Variants in DACH2 observed in about 807,000 individuals in gnomAD.
The protein encoded by DACH2 is dachshund homolog 2.
Under a neutral mutation model 35.8 loss-of-function variants are expected in DACH2, and 17 were observed. The observed-to-expected ratio is 0.48, with a 90% CI of 0.33 to 0.71. The LOEUF is 0.71. Ranked by LOEUF, DACH2 falls within the 30% of genes least tolerant of loss-of-function variation. The probability of loss-of-function intolerance (pLI) is 0.02; values close to 1 mark genes in which losing one functional copy is unlikely to be tolerated. For missense variants in DACH2, 469 were observed against 472.7 expected (o/e 0.99, Z 0.07); for synonymous variants, 195 against 177.3 (o/e 1.10, Z -0.79).
intron 6 of DACH2, among the ~76,000 whole-genome samples, chrX:86,733,804 C>T (rs904297872): frequency 9.0e-6 from 1 of 111,297 alleles, no homozygotes; most frequent in African/African-American, 3.3e-5. Context: ...AATGGTCACA[C>T]GGCAGTGGCA....
chrX:86,237,292 A>G (rs2033075635), intron 1 of DACH2, among the ~76,000 whole-genome samples: 1 of 111,671 alleles, frequency 9.0e-6, no homozygotes, highest in South Asian at 3.7e-4. Context: ...GAAGGAGTAC[A>G]CTCTAAAATA....
In DACH2 at chrX:86,149,016, C is replaced by G; in HGVS notation, c.396C>G (p.Arg132=). 1 of 1,210,780 alleles carries G rather than the reference C, an allele frequency of 8.3e-7. No individual in the cohort carries two copies. Among genetic ancestry groups the G allele is most frequent in the Non-Finnish European group, 1.1e-6 (1 of 894,916 alleles). ...CTGTTGAGCAGGTCCGGATCCTCCGCGGGCTGGGGGCCATCCAGCCCGGGG... is the reference window on the plus strand; with the variant it reads ...CTGTTGAGCAGGTCCGGATCCTCCGGGGGCTGGGGGCCATCCAGCCCGGGG... The part of the protein sequence containing the change: ...VCTVEQVRIL[R]GLGAIQPGVN... The change falls in exon 1 of 12, where the codon CGC becomes CGG. Residue 132 remains arginine, a synonymous_variant. Transcript: ENST00000373125.
chrX:86,733,171 T>G (rs763669743), intron 6 of DACH2, among the ~76,000 whole-genome samples: 3 of 111,806 alleles, frequency 2.7e-5, no homozygotes, highest in Non-Finnish European at 5.6e-5. Flanking sequence ...CGTGGTGCGT[T>G]AGGCAGTCAA....
At chrX:86,725,135 T>C (rs2041451731) in intron 6 of DACH2, among the ~76,000 whole-genome samples, 1 of 111,252 alleles carries the variant, frequency 9.0e-6, no homozygotes, top group Non-Finnish European at 1.9e-5. Context: ...TTTCATGTGA[T>C]TGAGCTTCTC....
chrX:86,300,235 GAA>G (rs149517354), intron 1 of DACH2, among the ~76,000 whole-genome samples: 4 of 106,927 alleles, frequency 3.7e-5, no homozygotes, highest in African/African-American at 1.4e-4. Context: ...ACTTCTTTGC[GAA>G]AAAAAAAATT....
intron 3 of DACH2, among the ~76,000 whole-genome samples, chrX:86,624,946 A>C (rs66472018): frequency 0.091 from 10,131 of 110,786 alleles, 462 homozygotes; most frequent in East Asian, 0.34. Flanking sequence ...GGTCAGACAT[A>C]TTATTACAAA....
Position 86,160,702 on chromosome X carries a change from G to T in DACH2, c.488+11594G>T. On this transcript the variant is annotated intron_variant, in intron 1 of 11. Transcript: ENST00000373125. ...CATTCTTGATATTGAAGCCCTCATT[G>T]TTCCCAGGAATAAAGCTTTATTTCA... is the stretch of plus-strand genomic sequence containing the variant. The T allele has an allele frequency of 1.0e-5, 5 of 480,187 alleles. No individual in the cohort carries two copies. The South Asian group carries it at 1.6e-4, about 15-fold the overall frequency. 39.6% of individuals were successfully genotyped at this position (480,187 alleles called of 1,213,427 possible). A position where few individuals can be genotyped will look rare whatever the true frequency, so the allele number is the denominator to read the frequency against.
chrX:86,468,471 A>G (rs1251966086), intron 2 of DACH2, among the ~76,000 whole-genome samples: 1 of 111,216 alleles, frequency 9.0e-6, no homozygotes, highest in Non-Finnish European at 1.9e-5. Flanking sequence ...TATCCCACTT[A>G]TTTAACTACA....
chrX:86,662,924 T>G (rs2040623381), intron 4 of DACH2, among the ~76,000 whole-genome samples: 1 of 111,740 alleles, frequency 8.9e-6, no homozygotes, highest in Non-Finnish European at 1.9e-5. Flanking sequence ...TATATAGTCT[T>G]TATCTGTATA....
chrX:86,163,241 G>A (rs2030828421), intron 1 of DACH2, among the ~76,000 whole-genome samples: 1 of 109,959 alleles, frequency 9.1e-6, no homozygotes, highest in African/African-American at 3.3e-5. Context: ...TACTTTCTGT[G>A]TTTATTAGTT....
At chrX:86,282,612 C>T (rs1278844984) in intron 1 of DACH2, among the ~76,000 whole-genome samples, 1 of 109,165 alleles carries the variant, frequency 9.2e-6, no homozygotes, top group East Asian at 2.9e-4. Flanking sequence ...ACCAAAAGCC[C>T]TTAGAGTGAA....
chrX:86,707,642 C>A (rs966825738), intron 5 of DACH2, among the ~76,000 whole-genome samples: 20 of 110,266 alleles, frequency 1.8e-4, no homozygotes, highest in African/African-American at 6.3e-4. Context: ...ACCGCCCAGG[C>A]GCGGTGGCCC....
intron 5 of DACH2, among the ~76,000 whole-genome samples, chrX:86,712,905 G>A (rs1014287567): frequency 9.0e-5 from 10 of 111,277 alleles, no homozygotes; most frequent in Middle Eastern, 4.6e-3. Flanking sequence ...TGAGTTCCAC[G>A]CAGAATTTAA....
At chrX:86,311,894 G>T (rs1016406662) in intron 1 of DACH2, among the ~76,000 whole-genome samples, 2 of 111,485 alleles carry the variant, frequency 1.8e-5, no homozygotes, top group African/African-American at 6.5e-5. Context: ...GAATACAGGA[G>T]ATCCATTAGG....
chrX:86,611,151 G>C (rs749777721), intron 3 of DACH2, among the ~76,000 whole-genome samples: 72 of 110,562 alleles, frequency 6.5e-4, no homozygotes, highest in African/African-American at 2.3e-3. Context: ...TTAGGTTTGA[G>C]CTCTTGCCTT....
At chrX:86,200,126 C>T (rs1179119751) in intron 1 of DACH2, among the ~76,000 whole-genome samples, 1 of 110,178 alleles carries the variant, frequency 9.1e-6, no homozygotes, top group Admixed American at 9.7e-5. Context: ...GATAAAGAGC[C>T]CAGAATTATG....
At chrX:86,698,521 G>GTTTTTTTTTTTTGTT in intron 5 of DACH2, among the ~76,000 whole-genome samples, 1 of 32,955 alleles carries the variant, frequency 3.0e-5, no homozygotes, top group South Asian at 2.5e-3. Context: ...TTAGTTTTGT[G>GTTTTTTTTTTTTGTT]TTTTTTTTTT....
chrX:86,524,809 G>T (rs1240738304), intron 3 of DACH2, among the ~76,000 whole-genome samples: 3 of 111,075 alleles, frequency 2.7e-5, no homozygotes, highest in African/African-American at 9.8e-5. Context: ...GTGGAGGGGA[G>T]AAATTTAAGC....
At chrX:86,244,328 A>G (rs894482230) in intron 1 of DACH2, among the ~76,000 whole-genome samples, 3 of 112,351 alleles carry the variant, frequency 2.7e-5, no homozygotes, top group African/African-American at 6.5e-5. Flanking sequence ...CTAATACTGA[A>G]TAAATTCGTG....
Sources: gnomAD v4.1 joint callset for allele counts (sites outside exome capture counted in the v4.1 genomes callset) on GRCh38, gnomAD v4.1.1 for gene constraint, MANE v1.5 for transcripts, NCBI Gene and HGNC (gene_info 2026-07-23, HGNC 2026-07-21) for gene names.